The following ERBB4 variants were observed in gnomAD, a reference collection of about 807,000 sequenced individuals.
The protein encoded by ERBB4 is erb-b2 receptor tyrosine kinase 4.
Under a neutral mutation model 158.0 loss-of-function variants are expected in ERBB4, and 42 were observed. That is an observed-to-expected ratio of 0.27 (90% CI 0.21 to 0.34). The LOEUF is 0.34. Ranked by LOEUF, ERBB4 falls within the 10% of genes least tolerant of loss-of-function variation. The pLI is 1.00. For synonymous variants in ERBB4, 583 were observed against 558.7 expected (o/e 1.04, Z -0.61); for missense variants, 1,333 against 1,624.1 (o/e 0.82, Z 3.08).
At chr2:211,586,212 T>A (rs1333830231) in intron 19 of ERBB4, among the ~76,000 whole-genome samples, 1 of 152,116 alleles carries the variant, frequency 6.6e-6, no homozygotes, top group Non-Finnish European at 1.5e-5. Flanking sequence ...GTTATGCACA[T>A]TACATATCAC....
At chr2:211,740,936 G>A (rs995029514) in intron 5 of ERBB4, among the ~76,000 whole-genome samples, 38 of 152,056 alleles carry the variant, frequency 2.5e-4, no homozygotes, top group African/African-American at 9.2e-4. Flanking sequence ...TAACCAAATT[G>A]ATTAATTTGA....
chr2:211,532,333 ATACCCCATT>A (rs970847836), intron 20 of ERBB4, among the ~76,000 whole-genome samples: 1 of 152,090 alleles, frequency 6.6e-6, no homozygotes. Context: ...GATGTGATTG[ATACCCCATT>A]TACCCTGACG....
At chr2:212,015,661 T>G (rs2076512063) in intron 2 of ERBB4, among the ~76,000 whole-genome samples, 1 of 152,168 alleles carries the variant, frequency 6.6e-6, no homozygotes, top group Non-Finnish European at 1.5e-5. Flanking sequence ...ACCTCCCAAG[T>G]AATTTGGAGC....
At chr2:212,447,922 AG>A (rs2092387264) in intron 1 of ERBB4, among the ~76,000 whole-genome samples, 1 of 152,118 alleles carries the variant, frequency 6.6e-6, no homozygotes, top group Admixed American at 6.6e-5. Flanking sequence ...TCACAAAAAA[AG>A]CTCTTCAAAA....
intron 1 of ERBB4, among the ~76,000 whole-genome samples, chr2:212,132,344 T>C (rs1178356951): frequency 2.0e-5 from 3 of 152,260 alleles, no homozygotes; most frequent in East Asian, 1.9e-4. Flanking sequence ...ATATGTCACT[T>C]GATTGGGCCA....
At position 211,561,182 on chromosome 2, in the gene ERBB4, G is replaced by T. The variant is rs2067382548; in HGVS notation, c.2487+721C>A. The stretch of plus-strand genomic sequence containing the variant: ...GCAGACTGCATGATAAGAATGCTTT[G>T]TTTAGACTCCAGTGTTTCAAAAATT... On this transcript the variant is annotated intron_variant, in intron 20 of 27. Coordinates refer to ENST00000342788, the MANE Select transcript of ERBB4 (RefSeq NM_005235.3). Among the ~76,000 whole-genome samples, 2 of 152,146 alleles carry T rather than the reference G, an allele frequency of 1.3e-5. 1 individual carries two copies. Among genetic ancestry groups the T allele is most frequent in the South Asian group, 4.1e-4 (2 of 4,830 alleles).
chr2:212,075,927 C>A (rs1449592818), intron 2 of ERBB4, among the ~76,000 whole-genome samples: 1 of 151,756 alleles, frequency 6.6e-6, no homozygotes, highest in African/African-American at 2.4e-5. Flanking sequence ...TATGATAATA[C>A]CTCATCAGCT....
At chr2:212,303,158 A>G (rs1254166473) in intron 1 of ERBB4, among the ~76,000 whole-genome samples, 1 of 151,424 alleles carries the variant, frequency 6.6e-6, no homozygotes, top group Non-Finnish European at 1.5e-5. Flanking sequence ...ATCATCGCTT[A>G]ACTGTCTTTT....
intron 4 of ERBB4, among the ~76,000 whole-genome samples, chr2:211,757,328 A>C (rs1391958652): frequency 6.6e-6 from 1 of 152,216 alleles, no homozygotes; most frequent in Non-Finnish European, 1.5e-5. Context: ...CCTTGCTAAA[A>C]AATATGAAGT....
At chr2:211,813,714 A>G (rs2105922803) in intron 3 of ERBB4, among the ~76,000 whole-genome samples, 2 of 152,322 alleles carry the variant, frequency 1.3e-5, no homozygotes, top group African/African-American at 4.8e-5. Context: ...TTCAAGAAAG[A>G]CAGGACAGTA....
chr2:212,071,303 C>T (rs1470354767), intron 2 of ERBB4, among the ~76,000 whole-genome samples: 2 of 82,630 alleles, frequency 2.4e-5, no homozygotes, highest in African/African-American at 6.8e-5. Context: ...TTAAAGCAGA[C>T]AGAAGAAATG....
At chr2:212,121,606 G>A (rs1431362972) in intron 2 of ERBB4, among the ~76,000 whole-genome samples, 1 of 152,194 alleles carries the variant, frequency 6.6e-6, no homozygotes, top group Non-Finnish European at 1.5e-5. Context: ...TCACTTGGAT[G>A]CTGATGTCTC....
At chr2:212,403,130 T>C (rs1238329311) in intron 1 of ERBB4, among the ~76,000 whole-genome samples, 1 of 152,110 alleles carries the variant, frequency 6.6e-6, no homozygotes, top group African/African-American at 2.4e-5. Context: ...TTGGTTTTTA[T>C]TACTGTAGTT....
At chr2:211,484,451 T>C (rs1009995942) in intron 20 of ERBB4, among the ~76,000 whole-genome samples, 3 of 152,122 alleles carry the variant, frequency 2.0e-5, no homozygotes, top group Non-Finnish European at 4.4e-5. Context: ...TTCTATATCC[T>C]GCCTACAAGA....
At chr2:211,652,245 T>A (rs1218828204) in intron 16 of ERBB4, among the ~76,000 whole-genome samples, 1 of 152,166 alleles carries the variant, frequency 6.6e-6, no homozygotes, top group Non-Finnish European at 1.5e-5. Context: ...GGGACAAAAG[T>A]CATGTGGAAA....
At chr2:211,756,959 C>T (rs2075300060) in intron 4 of ERBB4, among the ~76,000 whole-genome samples, 1 of 152,154 alleles carries the variant, frequency 6.6e-6, no homozygotes, top group South Asian at 2.1e-4. Context: ...CTTTCTCCAG[C>T]AGTACTAAAA....
chr2:211,667,448 A>C (rs1234270474), intron 14 of ERBB4, among the ~76,000 whole-genome samples: 1 of 151,880 alleles, frequency 6.6e-6, no homozygotes, highest in Non-Finnish European at 1.5e-5. Context: ...AGCTCGAAAA[A>C]AAAAAAAAAA....
chr2:211,596,895 G>A (rs2068649513), intron 19 of ERBB4, among the ~76,000 whole-genome samples: 1 of 151,966 alleles, frequency 6.6e-6, no homozygotes, highest in Non-Finnish European at 1.5e-5. Context: ...CTTCTAAGTA[G>A]CTGGAATTAC....
At chr2:212,144,862 G>A (rs1443933727) in intron 1 of ERBB4, among the ~76,000 whole-genome samples, 1 of 152,096 alleles carries the variant, frequency 6.6e-6, no homozygotes, top group East Asian at 1.9e-4. Context: ...AAATTAAGAG[G>A]CAAAATTTTT....
Sources: allele counts gnomAD v4.1 joint callset (sites outside exome capture counted in the v4.1 genomes callset), GRCh38; gene constraint gnomAD v4.1.1; transcripts MANE v1.5; gene names NCBI Gene and HGNC (gene_info 2026-07-23, HGNC 2026-07-21).